SHISA9: variants seen among roughly 807,000 people sequenced by gnomAD.
SHISA9 encodes protein shisa-9.
In SHISA9, 13 loss-of-function variants were observed where a neutral mutation model predicts 38.0. The ratio of observed to expected loss-of-function variants is 0.34; its 90% CI spans 0.22 to 0.54. The LOEUF (loss-of-function observed/expected upper bound fraction) is 0.54. Ranked by LOEUF, SHISA9 falls within the 20% of genes least tolerant of loss-of-function variation. The probability of loss-of-function intolerance (pLI) is 0.91; values close to 1 mark genes in which losing one functional copy is unlikely to be tolerated. For missense variants in SHISA9, 538 were observed against 575.8 expected (o/e 0.93, Z 0.67); for synonymous variants, 275 against 242.0 (o/e 1.14, Z -1.27).
chr16:13,306,872 T>A, the SHISA9 span, among the ~76,000 whole-genome samples: 192 of 152,304 alleles, frequency 1.3e-3, no homozygotes, highest in African/African-American at 4.0e-3. Context: ...CATACACGTA[T>A]GTATGTGTGT....
At chr16:12,960,578 A>G (rs753814330) in intron 2 of SHISA9, among the ~76,000 whole-genome samples, 6 of 152,226 alleles carry the variant, frequency 3.9e-5, no homozygotes, top group Non-Finnish European at 8.8e-5. Context: ...ATGGAATACT[A>G]TGCAGCCATA....
chr16:13,153,688 A>C (rs1282468851), intron 2 of SHISA9, among the ~76,000 whole-genome samples: 1 of 152,136 alleles, frequency 6.6e-6, no homozygotes, highest in Non-Finnish European at 1.5e-5. Flanking sequence ...AGGGTATCAA[A>C]CCTGATGTTC....
chr16:12,910,830 G>C, intron 1 of SHISA9: 1 of 688,524 alleles, frequency 1.5e-6, no homozygotes, highest in Non-Finnish European at 1.8e-6. Flanking sequence ...ACTTGTACAA[G>C]TCTGAAGGCC....
chr16:13,268,133 A>T, the SHISA9 span, among the ~76,000 whole-genome samples: 21 of 151,946 alleles, frequency 1.4e-4, no homozygotes, highest in Non-Finnish European at 1.5e-5. Context: ...ATTGTGATCA[A>T]ATCAATGTTT....
chr16:13,234,837 T>G (rs1324330083), intron 4 of SHISA9, among the ~76,000 whole-genome samples, 193 bp from the exon 5 acceptor site: 1 of 152,104 alleles, frequency 6.6e-6, no homozygotes, highest in Non-Finnish European at 1.5e-5. Context: ...GCTCTTTGTT[T>G]GTGAAAAGGG....
chr16:12,916,010 T>TGTG (rs1567337864), intron 1 of SHISA9, among the ~76,000 whole-genome samples: 1 of 116,436 alleles, frequency 8.6e-6, no homozygotes, highest in Non-Finnish European at 1.8e-5. Context: ...TGTGTGTGTG[T>TGTG]GTTTTTTTTT....
the SHISA9 span, among the ~76,000 whole-genome samples, chr16:13,261,284 A>C: frequency 6.6e-6 from 1 of 152,172 alleles, no homozygotes. Context: ...TAGTCCGTCC[A>C]GTCAAGATCT....
intron 2 of SHISA9, among the ~76,000 whole-genome samples, chr16:13,008,211 G>A (rs1434562475): frequency 2.0e-5 from 3 of 152,186 alleles, no homozygotes; most frequent in Non-Finnish European, 4.4e-5. Context: ...ACAACTCTGA[G>A]ATTTTTTTTA....
At chr16:13,014,918 C>T (rs1356212868) in intron 2 of SHISA9, among the ~76,000 whole-genome samples, 1 of 152,268 alleles carries the variant, frequency 6.6e-6, no homozygotes, top group Non-Finnish European at 1.5e-5. Context: ...TCGGATACTG[C>T]CTTGAAGGCA....
the SHISA9 span, among the ~76,000 whole-genome samples, chr16:13,278,891 A>AT: frequency 6.6e-6 from 1 of 151,474 alleles, no homozygotes; most frequent in Non-Finnish European, 1.5e-5. Flanking sequence ...TATCTTTTGT[A>AT]TTTTTTTGGT....
At chr16:13,434,973 T>A in the SHISA9 span, among the ~76,000 whole-genome samples, 1 of 152,346 alleles carries the variant, frequency 6.6e-6, no homozygotes, top group Admixed American at 6.5e-5. Flanking sequence ...GGGGCTTAAT[T>A]AATAATCCCT....
At chr16:13,295,423 T>C in the SHISA9 span, among the ~76,000 whole-genome samples, 4 of 152,110 alleles carry the variant, frequency 2.6e-5, no homozygotes, top group Non-Finnish European at 5.9e-5. Context: ...CCTTCAAAAA[T>C]CAATTCTCAA....
the SHISA9 span, among the ~76,000 whole-genome samples, chr16:13,411,823 C>T: frequency 6.6e-6 from 1 of 152,192 alleles, no homozygotes; most frequent in Non-Finnish European, 1.5e-5. Flanking sequence ...TCTAGGAGGC[C>T]AGAGCCCAGA....
At chr16:13,533,569 C>A in the SHISA9 span, among the ~76,000 whole-genome samples, 5 of 152,048 alleles carry the variant, frequency 3.3e-5, no homozygotes, top group Non-Finnish European at 5.9e-5. Context: ...CCACCCCCAC[C>A]ACCAAATACA....
chr16:13,102,886 A>C (rs142970478), intron 2 of SHISA9, among the ~76,000 whole-genome samples: 5 of 152,216 alleles, frequency 3.3e-5, no homozygotes, highest in African/African-American at 1.2e-4. Flanking sequence ...TGCTCACTCA[A>C]CTTCCAGACT....
intron 2 of SHISA9, among the ~76,000 whole-genome samples, chr16:12,957,924 G>A (rs1373026149): frequency 6.6e-6 from 1 of 152,152 alleles, no homozygotes; most frequent in African/African-American, 2.4e-5. Context: ...TACCAGCAAG[G>A]GGGCTCGACT....
intron 2 of SHISA9, among the ~76,000 whole-genome samples, chr16:13,134,700 A>G (rs192554751): frequency 1.3e-5 from 2 of 152,140 alleles, no homozygotes; most frequent in Admixed American, 1.3e-4. Flanking sequence ...CTCGTAGTTG[A>G]TGAGAGGTGT....
chr16:13,455,528 C>T, the SHISA9 span, among the ~76,000 whole-genome samples: 1 of 152,174 alleles, frequency 6.6e-6, no homozygotes, highest in African/African-American at 2.4e-5. Context: ...ATTGTCATTG[C>T]TGACAGCCTG....
At chr16:12,916,593 G>T (rs546144679) in intron 1 of SHISA9, 95 bp from the exon 2 acceptor site, 1 of 1,398,406 alleles carries the variant, frequency 7.2e-7, no homozygotes, top group Admixed American at 2.7e-5. Context: ...GGAGTAATCC[G>T]CCTTGCCATT....
Sources: gnomAD v4.1 joint callset for allele counts (sites outside exome capture counted in the v4.1 genomes callset) on GRCh38, gnomAD v4.1.1 for gene constraint, MANE v1.5 for transcripts, NCBI Gene and HGNC (gene_info 2026-07-23, HGNC 2026-07-21) for gene names.